The following ST6GALNAC5 variants were observed in gnomAD, a reference collection of about 807,000 sequenced individuals.
ST6GALNAC5 encodes ST6 N-acetylgalactosaminide alpha-2,6-sialyltransferase 5, also known as alpha-N-acetylgalactosaminide alpha-2,6-sialyltransferase 5.
Under a neutral mutation model 33.6 loss-of-function variants are expected in ST6GALNAC5, and 27 were observed. That is an observed-to-expected ratio of 0.80 (90% CI 0.59 to 1.11). The LOEUF (loss-of-function observed/expected upper bound fraction) is 1.11, where lower values mean the gene tolerates loss of function less well. Ranked by LOEUF, ST6GALNAC5 falls within the 50% of genes least tolerant of loss-of-function variation. The probability of loss-of-function intolerance (pLI) is 0.00; values close to 1 mark genes in which losing one functional copy is unlikely to be tolerated. For missense variants in ST6GALNAC5, 428 were observed against 454.0 expected (o/e 0.94, Z 0.52); for synonymous variants, 194 against 171.2 (o/e 1.13, Z -1.04).
chr1:76,967,869 A>T (rs1276847881), intron 2 of ST6GALNAC5, among the ~76,000 whole-genome samples: 1 of 152,140 alleles, frequency 6.6e-6, no homozygotes. Context: ...CAGGTTGTTC[A>T]GTTTCCATGT....
chr1:76,966,230 A>G (rs1430065457), intron 2 of ST6GALNAC5, among the ~76,000 whole-genome samples: 1 of 152,106 alleles, frequency 6.6e-6, no homozygotes, highest in African/African-American at 2.4e-5. Context: ...CTTCCTATTC[A>G]TGAGCATGGA....
At chr1:76,914,666 C>G (rs1459341191) in intron 2 of ST6GALNAC5, among the ~76,000 whole-genome samples, 2 of 152,182 alleles carry the variant, frequency 1.3e-5, no homozygotes, top group African/African-American at 4.8e-5. Flanking sequence ...GGATCCCTTC[C>G]TTACACCTTA....
At chr1:77,015,718 G>A (rs1042164723) in intron 2 of ST6GALNAC5, among the ~76,000 whole-genome samples, 1 of 151,998 alleles carries the variant, frequency 6.6e-6, no homozygotes, top group African/African-American at 2.4e-5. Context: ...AGCAAGGTCT[G>A]TGCTGAGGAA....
At chr1:77,042,970 G>A (rs1389144707) in intron 2 of ST6GALNAC5, among the ~76,000 whole-genome samples, 1 of 152,134 alleles carries the variant, frequency 6.6e-6, no homozygotes, top group Admixed American at 6.5e-5. Context: ...ACAAGGCAAG[G>A]GAAGTTGGCT....
At chr1:76,968,259 G>T (rs1102456) in intron 2 of ST6GALNAC5, among the ~76,000 whole-genome samples, 78,523 of 151,832 alleles carry the variant, frequency 0.52, 20,802 homozygotes, top group African/African-American at 0.64. Flanking sequence ...TATGAATCTG[G>T]GTGTTCCTGT....
chr1:76,971,861 A>G (rs773220944), intron 2 of ST6GALNAC5, among the ~76,000 whole-genome samples: 1 of 152,202 alleles, frequency 6.6e-6, no homozygotes, highest in Non-Finnish European at 1.5e-5. Context: ...CTGTAGACAC[A>G]TTGTTCAATA....
At chr1:76,981,201 G>A (rs1229615440) in intron 2 of ST6GALNAC5, among the ~76,000 whole-genome samples, 1 of 152,210 alleles carries the variant, frequency 6.6e-6, no homozygotes, top group East Asian at 1.9e-4. Context: ...CCTCACCAGG[G>A]AAGCATGAGG....
intron 2 of ST6GALNAC5, among the ~76,000 whole-genome samples, chr1:77,024,305 T>G (rs565663613): frequency 1.3e-5 from 2 of 152,230 alleles, no homozygotes; most frequent in East Asian, 3.8e-4. Flanking sequence ...GCTGGGGCTG[T>G]TTTACTCTCC....
chr1:77,030,657 A>C (rs770748216), intron 2 of ST6GALNAC5, among the ~76,000 whole-genome samples: 8 of 152,260 alleles, frequency 5.3e-5, no homozygotes, highest in Non-Finnish European at 1.0e-4. Context: ...CCAAGAGGTT[A>C]TAGATCTACT....
intron 3 of ST6GALNAC5, among the ~76,000 whole-genome samples, chr1:77,049,593 A>G (rs1013522593): frequency 6.6e-6 from 1 of 152,134 alleles, no homozygotes; most frequent in African/African-American, 2.4e-5. Flanking sequence ...AATTTTGTCA[A>G]TTTTTGGTCT....
intron 3 of ST6GALNAC5, among the ~76,000 whole-genome samples, chr1:77,044,871 T>C (rs1651956452): frequency 6.6e-6 from 1 of 152,212 alleles, no homozygotes; most frequent in Non-Finnish European, 1.5e-5. Context: ...ACACAGCTCC[T>C]GGCCTTCATT....
chr1:77,051,538 G>A (rs542372601), intron 4 of ST6GALNAC5, among the ~76,000 whole-genome samples: 1 of 152,274 alleles, frequency 6.6e-6, no homozygotes, highest in East Asian at 1.9e-4. Flanking sequence ...CATAGACGTG[G>A]ATGTGATAGT....
intron 2 of ST6GALNAC5, among the ~76,000 whole-genome samples, chr1:76,931,708 T>C (rs1325468048): frequency 1.3e-5 from 2 of 152,118 alleles, no homozygotes; most frequent in Admixed American, 1.3e-4. Flanking sequence ...GAGACACATA[T>C]ATTTGGGTTT....
chr1:77,019,132 G>C (rs1286288380), intron 2 of ST6GALNAC5, among the ~76,000 whole-genome samples: 1 of 152,200 alleles, frequency 6.6e-6, no homozygotes, highest in Non-Finnish European at 1.5e-5. Flanking sequence ...AGATGCCAGG[G>C]CAGGGGGGAG....
intron 4 of ST6GALNAC5, among the ~76,000 whole-genome samples, chr1:77,053,337 T>C (rs1237615887): frequency 6.6e-6 from 1 of 152,130 alleles, no homozygotes; most frequent in Non-Finnish European, 1.5e-5. Flanking sequence ...GCTGGGCCCA[T>C]TGGAATATAG....
chr1:76,941,306 G>C (rs1412275375), intron 2 of ST6GALNAC5, among the ~76,000 whole-genome samples: 1 of 152,050 alleles, frequency 6.6e-6, no homozygotes, highest in African/African-American at 2.4e-5. Flanking sequence ...AATGGACCTG[G>C]ATTTACCTTT....
rs202180812 is a variant in ST6GALNAC5, at chr1:77,066,257, T to TA, written c.*3062dup. ...AGATTTCAGAGTAAGATCTTTTCTT[T>TA]AAAAAAAAAAATAGATGAAAGCAAA... On this transcript the variant is annotated 3_prime_UTR_variant, in exon 5 of 5. Transcript: ENST00000477717. Among the ~76,000 whole-genome samples the TA allele has an allele frequency of 0.013, 1,967 of 147,174 alleles. 21 individuals are homozygous for TA. The highest frequency in any genetic ancestry group is 0.019 in the Non-Finnish European group (1,266 of 66,388).
chr1:76,986,034 G>A (rs1198563389), intron 2 of ST6GALNAC5, among the ~76,000 whole-genome samples: 2 of 152,118 alleles, frequency 1.3e-5, no homozygotes, highest in Non-Finnish European at 2.9e-5. Flanking sequence ...TTAAATGTTA[G>A]ACCTAAAACC....
intron 2 of ST6GALNAC5, among the ~76,000 whole-genome samples, chr1:76,956,845 G>T (rs1333810726): frequency 6.6e-6 from 1 of 152,142 alleles, no homozygotes; most frequent in Non-Finnish European, 1.5e-5. Context: ...AAATGATTAA[G>T]TGCGGTGTTT....
Sources: allele counts gnomAD v4.1 joint callset (sites outside exome capture counted in the v4.1 genomes callset), GRCh38; gene constraint gnomAD v4.1.1; transcripts MANE v1.5; gene names NCBI Gene and HGNC (gene_info 2026-07-23, HGNC 2026-07-21).